Variants in HOMER1 observed in about 807,000 individuals in gnomAD.
HOMER1 encodes the protein homer scaffold protein 1.
A neutral mutation model predicts 48.9 loss-of-function variants in HOMER1; 3 were observed. That is an observed-to-expected ratio of 0.06 (90% CI 0.03 to 0.16). HOMER1 has a LOEUF of 0.16. Among genes scored for constraint, HOMER1 ranks in the 10% least tolerant of loss-of-function variants. The probability of loss-of-function intolerance (pLI) is 1.00; values close to 1 mark genes in which losing one functional copy is unlikely to be tolerated. For synonymous variants in HOMER1, 134 were observed against 146.4 expected (o/e 0.92, Z 0.61); for missense variants, 247 against 411.4 (o/e 0.60, Z 3.46).
intron 1 of HOMER1, among the ~76,000 whole-genome samples, chr5:79,501,465 C>T (rs1752587861): frequency 1.3e-5 from 2 of 152,042 alleles, no homozygotes; most frequent in African/African-American, 2.4e-5. Flanking sequence ...GCAATTAGTA[C>T]CTCTAACCCC....
intron 1 of HOMER1, among the ~76,000 whole-genome samples, chr5:79,467,433 G>A (rs1400571520): frequency 6.8e-6 from 1 of 146,792 alleles, no homozygotes; most frequent in Admixed American, 6.8e-5. Flanking sequence ...TGCTATAAAG[G>A]CCATTTAAGT....
intron 5 of HOMER1, among the ~76,000 whole-genome samples, chr5:79,432,456 T>C (rs928984130): frequency 1.3e-5 from 2 of 152,162 alleles, no homozygotes; most frequent in African/African-American, 2.4e-5. Flanking sequence ...CCATTAATTG[T>C]AACAGTAAGG....
At chr5:79,395,486 G>A (rs1749356843) in intron 8 of HOMER1, among the ~76,000 whole-genome samples, 1 of 152,172 alleles carries the variant, frequency 6.6e-6, no homozygotes, top group East Asian at 1.9e-4. Flanking sequence ...AGTGCCCCAA[G>A]TTGATGACCA....
chr5:79,458,965 A>T lies in HOMER1; in HGVS notation c.6-1947T>A, dbSNP rs187293350. ...TTTTTCTTTTTTCACCTTCTAATTA[A>T]AGTCTGAGGTAAAAGTATTGTTGGT... On this transcript the variant is annotated intron_variant, in intron 1 of 8. Coordinates refer to ENST00000334082, the MANE Select transcript of HOMER1 (RefSeq NM_004272.5). Among the ~76,000 whole-genome samples, 12 of 152,206 alleles carry T rather than the reference A, an allele frequency of 7.9e-5. No individual in the cohort carries two copies. In the East Asian group the frequency reaches 2.3e-3, roughly 29 times the overall value.
At chr5:79,490,122 T>C (rs1484950225) in intron 1 of HOMER1, among the ~76,000 whole-genome samples, 1 of 152,218 alleles carries the variant, frequency 6.6e-6, no homozygotes, top group South Asian at 2.1e-4. Flanking sequence ...GCTGTCATAC[T>C]TCCAACATTT....
chr5:79,490,606 AT>A (rs1752240975), intron 1 of HOMER1, among the ~76,000 whole-genome samples: 5 of 152,116 alleles, frequency 3.3e-5, no homozygotes, highest in Admixed American at 3.3e-4. Context: ...TCAGCATAAT[AT>A]TTCAAAAGAA....
At position 79,372,990 on chromosome 5, in the gene HOMER1, A is replaced by C. The variant is rs1175250857; in HGVS notation, c.*3019T>G. Reference sequence around the variant, plus strand: ...TGATGGTGCTGGAGATCTTCTATAGAGACAAGGAGAGATGCAACTTCGTGA... The same window carrying C: ...TGATGGTGCTGGAGATCTTCTATAGCGACAAGGAGAGATGCAACTTCGTGA... On this transcript the variant is annotated 3_prime_UTR_variant, in exon 9 of 9. Transcript: ENST00000334082. 6.6e-6 allele frequency: 1 copy of C among 152,134 alleles called. No individual in the cohort carries two copies. Among genetic ancestry groups the C allele is most frequent in the Non-Finnish European group, 1.5e-5 (1 of 67,986 alleles). The allele number at this position is 152,134 out of a possible 1,614,324, so 9.4% of individuals were successfully genotyped here.
At chr5:79,443,986 T>C (rs540030846) in intron 4 of HOMER1, among the ~76,000 whole-genome samples, 1 of 152,344 alleles carries the variant, frequency 6.6e-6, no homozygotes, top group East Asian at 1.9e-4. Flanking sequence ...TGACTCAAAC[T>C]TTTAACCAGT....
chr5:79,376,339 T>G lies in HOMER1; in HGVS notation c.877-142A>C, dbSNP rs1012229491. ...TGCAGAATCTTAATTTAGCACAATT[T>G]AAGGAGATTTTAGACTTGGCCATCC... On this transcript the variant is annotated intron_variant, in intron 8 of 8. Transcript: ENST00000334082. The G allele has an allele frequency of 2.1e-5, 13 of 626,230 alleles. No homozygotes were observed. The African/African-American group carries it at 2.2e-4, about 11-fold the overall frequency. The allele number at this position is 626,230 out of a possible 1,614,324, so 38.8% of individuals were successfully genotyped here. A position where few individuals can be genotyped will look rare whatever the true frequency, so the allele number is the denominator to read the frequency against.
intron 1 of HOMER1, among the ~76,000 whole-genome samples, chr5:79,478,297 T>C (rs528083756): frequency 2.4e-4 from 36 of 152,296 alleles, no homozygotes; most frequent in African/African-American, 8.7e-4. Flanking sequence ...GTTCAGATTA[T>C]AGAAGGATAA....
chr5:79,453,467 A>G (rs1482467865), intron 2 of HOMER1, among the ~76,000 whole-genome samples: 1 of 152,078 alleles, frequency 6.6e-6, no homozygotes, highest in African/African-American at 2.4e-5. Flanking sequence ...TTGTCTCTGT[A>G]TTACTTGTTC....
chr5:79,498,065 C>T (rs113335233), intron 1 of HOMER1, among the ~76,000 whole-genome samples: 14 of 152,314 alleles, frequency 9.2e-5, no homozygotes, highest in African/African-American at 2.9e-4. Context: ...CACTGTCATA[C>T]TAGACTCTGA....
At chr5:79,435,730 C>T (rs1199417738) in intron 5 of HOMER1, among the ~76,000 whole-genome samples, 1 of 150,304 alleles carries the variant, frequency 6.7e-6, no homozygotes, top group Non-Finnish European at 1.5e-5. Flanking sequence ...ACTCGGGAGG[C>T]TGAGGCAGGA....
chr5:79,423,826 C>A (rs1422216652), intron 5 of HOMER1, among the ~76,000 whole-genome samples: 1 of 152,056 alleles, frequency 6.6e-6, no homozygotes, highest in Non-Finnish European at 1.5e-5. Flanking sequence ...GAGATAAAGT[C>A]TTTTGTCTAA....
intron 8 of HOMER1, among the ~76,000 whole-genome samples, chr5:79,385,126 T>C (rs919707163): frequency 6.6e-6 from 1 of 152,034 alleles, no homozygotes; most frequent in African/African-American, 2.4e-5. Context: ...ATTAAAGACT[T>C]AAATGTAATA....
chr5:79,460,409 C>T (rs1284766933), intron 1 of HOMER1, among the ~76,000 whole-genome samples: 3 of 152,188 alleles, frequency 2.0e-5, no homozygotes, highest in African/African-American at 7.2e-5. Context: ...ATTTGGGTGA[C>T]AGAGCCAGAC....
intron 1 of HOMER1, among the ~76,000 whole-genome samples, chr5:79,479,121 A>G (rs73124103): frequency 0.077 from 11,687 of 152,270 alleles, 991 homozygotes; most frequent in East Asian, 0.24. Flanking sequence ...AACTTCACTG[A>G]GTAAAACCGT....
At chr5:79,476,905 C>G (rs1751795889) in intron 1 of HOMER1, among the ~76,000 whole-genome samples, 5 of 152,196 alleles carry the variant, frequency 3.3e-5, no homozygotes. Context: ...CGAGGCCTGT[C>G]TCTTCAGATT....
intron 1 of HOMER1, among the ~76,000 whole-genome samples, chr5:79,471,372 C>A (rs1054431165): frequency 6.6e-6 from 1 of 151,762 alleles, no homozygotes; most frequent in Non-Finnish European, 1.5e-5. Context: ...TGGTGAAACC[C>A]CGTCTCTACT....
Sources: allele counts gnomAD v4.1 joint callset (sites outside exome capture counted in the v4.1 genomes callset), GRCh38; gene constraint gnomAD v4.1.1; transcripts MANE v1.5; gene names NCBI Gene and HGNC (gene_info 2026-07-23, HGNC 2026-07-21).